Variants in EPB41 observed in about 807,000 individuals in gnomAD.
EPB41 encodes protein 4.1.
In EPB41, 65 loss-of-function variants were observed where a neutral mutation model predicts 108.0. The ratio of observed to expected loss-of-function variants is 0.60; its 90% CI spans 0.49 to 0.74. The LOEUF (loss-of-function observed/expected upper bound fraction) is 0.74, where lower values mean the gene tolerates loss of function less well. Ranked by LOEUF, EPB41 falls within the 30% of genes least tolerant of loss-of-function variation. EPB41 has a pLI of 0.00. For missense variants in EPB41, 875 were observed against 1,037.0 expected, an observed-to-expected ratio of 0.84 and a Z score of 2.15; for synonymous variants, 336 against 358.9, an observed-to-expected ratio of 0.94 and a Z score of 0.72.
intron 19 of EPB41, among the ~76,000 whole-genome samples, chr1:29,114,839 CTT>C (rs1670372370): frequency 1.3e-5 from 2 of 152,014 alleles, no homozygotes; most frequent in East Asian, 1.9e-4. Context: ...TAAATTATAA[CTT>C]AATAGAGTTT....
chr1:29,013,506 T>G (rs1333231844), intron 5 of EPB41, among the ~76,000 whole-genome samples: 1 of 152,016 alleles, frequency 6.6e-6, no homozygotes, highest in African/African-American at 2.4e-5. Flanking sequence ...TTTTTAAATT[T>G]TGTTTTTTGT....
intron 16 of EPB41, chr1:29,069,598 CTGTT>C: frequency 3.2e-6 from 1 of 308,236 alleles, no homozygotes; most frequent in Non-Finnish European, 5.0e-6. Context: ...GCTTTTAAAA[CTGTT>C]GTTTTTAAAG....
intron 6 of EPB41, 104 bp downstream of exon 6, chr1:29,015,871 G>A: frequency 1.3e-6 from 1 of 789,768 alleles, no homozygotes; most frequent in South Asian, 1.6e-5. Flanking sequence ...ATTCAGAACT[G>A]AAGAAAAATA....
At chr1:29,022,911 A>G (rs2096664699) in intron 7 of EPB41, among the ~76,000 whole-genome samples, 2 of 152,026 alleles carry the variant, frequency 1.3e-5, no homozygotes, top group South Asian at 4.1e-4. Context: ...TGTAAAGCAA[A>G]GTTACCTTTT....
At chr1:28,993,953 G>A (rs565944488) in intron 3 of EPB41, among the ~76,000 whole-genome samples, 3 of 152,030 alleles carry the variant, frequency 2.0e-5, no homozygotes, top group East Asian at 1.9e-4. Flanking sequence ...CACTGCGCCC[G>A]GCCTTTAATG....
In EPB41 at chr1:29,060,519, G is replaced by A. The variant is rs775153188; in HGVS notation, c.2007+35G>A. The A allele has an allele frequency of 1.9e-6, 3 of 1,569,506 alleles. No homozygotes were observed. The East Asian group carries it at 6.7e-5, about 35-fold the overall frequency. ...AACTTGAAGCTTATTTCAGTTGGTT[G>A]CCTGGAACCTTCTGCATTCTTTGCT... On this transcript the variant is annotated intron_variant, in intron 15 of 20. Coordinates refer to ENST00000343067, the MANE Select transcript of EPB41 (RefSeq NM_001376013.1).
chr1:29,071,769 G>A (rs1651588487), intron 16 of EPB41: 1 of 152,146 alleles, frequency 6.6e-6, no homozygotes, highest in South Asian at 2.1e-4. Context: ...CTTGCATGTA[G>A]CTTGCTTTTT....
chr1:29,064,718 G>A (rs576827384), intron 15 of EPB41, among the ~76,000 whole-genome samples: 2 of 152,230 alleles, frequency 1.3e-5, no homozygotes, highest in South Asian at 4.1e-4. Flanking sequence ...ATAAATTAAG[G>A]CGTGAGTTCT....
chr1:28,891,602 T>C (rs907434567), intron 1 of EPB41, among the ~76,000 whole-genome samples: 4 of 152,184 alleles, frequency 2.6e-5, no homozygotes, highest in African/African-American at 9.7e-5. Context: ...ATTTCTCCTT[T>C]GTCCACTTCC....
Position 28,901,788 on chromosome 1 carries a change from C to T in EPB41, c.-8+14578C>T, listed in dbSNP as rs539076266. ...ACCTCTGGTGATCCACCCACCTCAG[C>T]CTCCCAAAGTACTAGAATTACAGGT... On this transcript the variant is annotated intron_variant, in intron 1 of 16. Transcript: ENST00000347529. Among the ~76,000 whole-genome samples the T allele has an allele frequency of 2.0e-5, 3 of 152,272 alleles. No individual in the cohort carries two copies. In the South Asian group the frequency reaches 6.2e-4, roughly 32 times the overall value.
intron 1 of EPB41, among the ~76,000 whole-genome samples, chr1:28,897,550 T>C (rs1462569797): frequency 1.4e-5 from 2 of 138,880 alleles, no homozygotes; most frequent in African/African-American, 5.4e-5. Flanking sequence ...CCCCTGTAGG[T>C]AGGTAGGTAG....
At chr1:28,929,922 T>C (rs1406260697) in intron 1 of EPB41, among the ~76,000 whole-genome samples, 5 of 147,338 alleles carry the variant, frequency 3.4e-5, no homozygotes, top group South Asian at 2.2e-4. Flanking sequence ...ATTTAAAGTA[T>C]ACGATTTAAT....
intron 7 of EPB41, among the ~76,000 whole-genome samples, chr1:29,027,121 A>G (rs993822271): frequency 9.2e-5 from 14 of 151,952 alleles, no homozygotes; most frequent in Admixed American, 5.9e-4. Context: ...TTAAGTTAGA[A>G]TTACATTTTT....
At chr1:28,944,296 A>G (rs2094413474) in intron 1 of EPB41, among the ~76,000 whole-genome samples, 1 of 152,152 alleles carries the variant, frequency 6.6e-6, no homozygotes. Context: ...AATAAGACCT[A>G]CTATCTGATA....
intron 1 of EPB41, among the ~76,000 whole-genome samples, chr1:28,943,116 T>G (rs548198676): frequency 2.0e-5 from 3 of 152,174 alleles, no homozygotes; most frequent in Admixed American, 2.0e-4. Flanking sequence ...CTCCTACTTA[T>G]ATACCAGGAG....
At chr1:28,984,495 G>A (rs1298784128) in intron 1 of EPB41, among the ~76,000 whole-genome samples, 5 of 152,142 alleles carry the variant, frequency 3.3e-5, no homozygotes, top group South Asian at 2.1e-4. Context: ...TTTCTAGCAC[G>A]TAGCATCAGT....
chr1:28,899,957 G>A lies in EPB41; in HGVS notation c.-8+12747G>A, dbSNP rs547336881. 8.8e-4 allele frequency among the ~76,000 whole-genome samples: 134 copies of A among 152,228 alleles called. 1 individual carries two copies. The highest frequency in any genetic ancestry group is 1.5e-3 in the Non-Finnish European group (105 of 68,028). On this transcript the variant is annotated intron_variant, in intron 1 of 16. Transcript: ENST00000347529. Reference sequence around the variant, plus strand: ...GAGCTTCAGTTTTTTCCCCTATAACGTGGGGAAAATATTAGCATCTTCTCA... The same window carrying A: ...GAGCTTCAGTTTTTTCCCCTATAACATGGGGAAAATATTAGCATCTTCTCA...
chr1:28,963,606 A>G (rs1328670051), intron 1 of EPB41, among the ~76,000 whole-genome samples: 1 of 152,066 alleles, frequency 6.6e-6, no homozygotes, highest in South Asian at 2.1e-4. Context: ...ATTGTTGCAA[A>G]ATTTTATTTT....
chr1:28,956,143 C>G (rs933201792), intron 1 of EPB41, among the ~76,000 whole-genome samples: 1 of 152,222 alleles, frequency 6.6e-6, no homozygotes, highest in African/African-American at 2.4e-5. Flanking sequence ...TCTCATTTAG[C>G]TATTAAAAGC....
Sources: allele counts gnomAD v4.1 joint callset (sites outside exome capture counted in the v4.1 genomes callset), GRCh38; gene constraint gnomAD v4.1.1; transcripts MANE v1.5; gene names NCBI Gene and HGNC (gene_info 2026-07-23, HGNC 2026-07-21).